Variants in CWF19L2 observed in about 807,000 individuals in gnomAD.
CWF19L2 encodes the protein CWF19-like protein 2.
In CWF19L2, 98 loss-of-function variants were observed where a neutral mutation model predicts 111.7. The observed-to-expected ratio is 0.88, with a 90% CI of 0.75 to 1.04. The LOEUF is 1.04. CWF19L2 is among the 50% of genes least tolerant of loss of function. The pLI, the probability that CWF19L2 is intolerant of heterozygous loss-of-function variation, is 0.00. For synonymous variants in CWF19L2, 351 were observed against 342.9 expected (o/e 1.02, Z -0.26); for missense variants, 1,101 against 1,051.4 (o/e 1.05, Z -0.65).
chr11:107,329,829 T>C (rs1385149145), intron 17 of CWF19L2, 89 bp downstream of exon 17: 2 of 947,680 alleles, frequency 2.1e-6, no homozygotes, highest in Non-Finnish European at 1.6e-6. Context: ...AATTTCTTTG[T>C]ATACTGTGCC....
At chr11:107,371,532 G>T (rs896945313) in intron 12 of CWF19L2, among the ~76,000 whole-genome samples, 1 of 136,778 alleles carries the variant, frequency 7.3e-6, no homozygotes, top group Admixed American at 7.2e-5. Flanking sequence ...TTAAAACATT[G>T]CTAGTTTTAT....
intron 10 of CWF19L2, among the ~76,000 whole-genome samples, chr11:107,413,225 C>G (rs1044785872): frequency 2.0e-5 from 3 of 152,078 alleles, no homozygotes; most frequent in African/African-American, 4.8e-5. Flanking sequence ...TATGGAGGGG[C>G]AGGAAGTGTA....
rs1555013284 is a variant in CWF19L2 at position 107,330,634 on chromosome 11, AC to A, written c.2440-616del. On this transcript the variant is annotated intron_variant, in intron 16 of 17. Transcript: ENST00000282251. ...CCTCTCTCTTTCTCTCTCTACACAC[AC>A]CCCCCCCACCACACACACACACACA... Among the ~76,000 whole-genome samples the A allele has an allele frequency of 1.1e-3, 111 of 105,474 alleles. 1 individual carries two copies. The highest frequency in any genetic ancestry group is 3.0e-3 in the African/African-American group (76 of 25,224). The allele number at this position is 105,474 out of a possible 152,430, so 69.2% of individuals were successfully genotyped here.
intron 12 of CWF19L2, among the ~76,000 whole-genome samples, chr11:107,379,648 T>G (rs543281552): frequency 2.2e-4 from 34 of 152,356 alleles, no homozygotes; most frequent in African/African-American, 7.9e-4. Flanking sequence ...ATAACCTACA[T>G]TTTAAACATA....
At chr11:107,330,634 A>ACAC (rs369232310) in intron 16 of CWF19L2, among the ~76,000 whole-genome samples, 1 of 105,422 alleles carries the variant, frequency 9.5e-6, no homozygotes, top group Non-Finnish European at 1.9e-5. Flanking sequence ...CTCTACACAC[A>ACAC]CCCCCCCCAC....
intron 9 of CWF19L2, among the ~76,000 whole-genome samples, 188 bp from the exon 10 acceptor site, chr11:107,416,486 C>A (rs1262601640): frequency 6.6e-6 from 1 of 152,146 alleles, no homozygotes; most frequent in East Asian, 1.9e-4. Flanking sequence ...TTACAAACTT[C>A]TTGAATACCT....
chr11:107,452,493 T>C (rs1313782784), intron 3 of CWF19L2, among the ~76,000 whole-genome samples: 1 of 152,162 alleles, frequency 6.6e-6, no homozygotes, highest in Non-Finnish European at 1.5e-5. Context: ...ATGTACCAAG[T>C]GCATAATGGA....
intron 10 of CWF19L2, 48 bp downstream of exon 10, chr11:107,416,161 T>G: frequency 2.1e-6 from 1 of 467,096 alleles, no homozygotes; most frequent in Non-Finnish European, 3.4e-6. Context: ...CACTGCCCGG[T>G]GGTAGTTTAC....
chr11:107,434,345 A>T (rs1238063500), intron 6 of CWF19L2, among the ~76,000 whole-genome samples: 1 of 152,198 alleles, frequency 6.6e-6, no homozygotes, highest in Non-Finnish European at 1.5e-5. Flanking sequence ...AACATTTGAA[A>T]GCCTTCAACT....
chr11:107,404,639 A>G (rs999943303), intron 10 of CWF19L2: 4 of 501,886 alleles, frequency 8.0e-6, no homozygotes, highest in South Asian at 7.4e-5. Flanking sequence ...TCCCACGCTT[A>G]CCCCAACAGA....
intron 12 of CWF19L2, among the ~76,000 whole-genome samples, chr11:107,358,652 T>A (rs1418061233): frequency 1.3e-5 from 2 of 152,202 alleles, no homozygotes; most frequent in Non-Finnish European, 2.9e-5. Context: ...AACAGGGAAA[T>A]CTATAGACAA....
chr11:107,340,791 T>C (rs1460712622), intron 14 of CWF19L2, among the ~76,000 whole-genome samples: 2 of 152,246 alleles, frequency 1.3e-5, no homozygotes, highest in Non-Finnish European at 2.9e-5. Context: ...TCATCTTTAC[T>C]ATGTTGACTC....
At chr11:107,378,439 A>G (rs1220167469) in intron 12 of CWF19L2, among the ~76,000 whole-genome samples, 1 of 152,138 alleles carries the variant, frequency 6.6e-6, no homozygotes, top group African/African-American at 2.4e-5. Flanking sequence ...ATGCAGCCGT[A>G]AAAAATGATG....
chr11:107,433,242 T>C (rs945097495), intron 7 of CWF19L2, among the ~76,000 whole-genome samples: 2 of 152,104 alleles, frequency 1.3e-5, no homozygotes, highest in African/African-American at 4.8e-5. Context: ...TTCATTGTTT[T>C]AAGAGTATAT....
chr11:107,412,006 T>C (rs1861163886), intron 10 of CWF19L2, among the ~76,000 whole-genome samples: 1 of 152,200 alleles, frequency 6.6e-6, no homozygotes, highest in Admixed American at 6.5e-5. Flanking sequence ...AACAGTCATG[T>C]AACTACAGTT....
intron 10 of CWF19L2, among the ~76,000 whole-genome samples, chr11:107,406,106 C>T (rs1000946008): frequency 6.6e-6 from 1 of 152,082 alleles, no homozygotes; most frequent in South Asian, 2.1e-4. Context: ...GTATGTAATA[C>T]GCTGATTAAA....
At chr11:107,421,451 C>T (rs945966850) in intron 8 of CWF19L2, among the ~76,000 whole-genome samples, 6 of 151,932 alleles carry the variant, frequency 3.9e-5, no homozygotes, top group Non-Finnish European at 7.4e-5. Context: ...TGAAACCAAA[C>T]GCTGATATTT....
At chr11:107,357,603 C>T (rs1860257559) in intron 12 of CWF19L2, among the ~76,000 whole-genome samples, 1 of 152,162 alleles carries the variant, frequency 6.6e-6, no homozygotes, top group Non-Finnish European at 1.5e-5. Flanking sequence ...GAAAATGATA[C>T]AGTCTTGCCA....
At chr11:107,437,756 A>ATC (rs1402903237) in intron 6 of CWF19L2, among the ~76,000 whole-genome samples, 2 of 152,170 alleles carry the variant, frequency 1.3e-5, no homozygotes. Flanking sequence ...CTCAGTAAAG[A>ATC]ACCTGTCAAC....
Sources: gnomAD v4.1 joint callset for allele counts (sites outside exome capture counted in the v4.1 genomes callset) on GRCh38, gnomAD v4.1.1 for gene constraint, MANE v1.5 for transcripts, NCBI Gene and HGNC (gene_info 2026-07-23, HGNC 2026-07-21) for gene names.